Variants in PCSK5 observed in about 807,000 individuals in gnomAD.
PCSK5 encodes prohormone convertase 5.
A neutral mutation model predicts 233.2 loss-of-function variants in PCSK5; 129 were observed. The ratio of observed to expected loss-of-function variants is 0.55; its 90% CI spans 0.48 to 0.64. The LOEUF (loss-of-function observed/expected upper bound fraction) is 0.64. PCSK5 is among the 30% of genes least tolerant of loss of function. The probability of loss-of-function intolerance (pLI) is 0.00; values close to 1 mark genes in which losing one functional copy is unlikely to be tolerated. For synonymous variants in PCSK5, 825 were observed against 879.2 expected, an observed-to-expected ratio of 0.94 and a Z score of 1.09; for missense variants, 2,076 against 2,430.1, an observed-to-expected ratio of 0.85 and a Z score of 3.06.
intron 7 of PCSK5, among the ~76,000 whole-genome samples, chr9:76,091,145 G>A (rs781758756): frequency 1.4e-4 from 22 of 152,240 alleles, no homozygotes; most frequent in Non-Finnish European, 3.1e-4. Context: ...GATCAATTTC[G>A]GTTGAGGACT....
chr9:76,275,796 T>A (rs1020102715), intron 24 of PCSK5, among the ~76,000 whole-genome samples: 1 of 152,082 alleles, frequency 6.6e-6, no homozygotes, highest in Non-Finnish European at 1.5e-5. Context: ...CCTGAAAAAA[T>A]ATTTCTGTGG....
At chr9:76,254,318 T>A (rs1301087702) in intron 24 of PCSK5, among the ~76,000 whole-genome samples, 3 of 152,168 alleles carry the variant, frequency 2.0e-5, no homozygotes, top group African/African-American at 7.2e-5. Flanking sequence ...AGCTTTCACA[T>A]TGTGTGTTTG....
intron 2 of PCSK5, among the ~76,000 whole-genome samples, chr9:75,941,603 A>G (rs368769079): frequency 6.6e-5 from 10 of 152,272 alleles, no homozygotes; most frequent in African/African-American, 1.4e-4. Flanking sequence ...TTCACCAGCT[A>G]TGAATGCGAT....
intron 32 of PCSK5, among the ~76,000 whole-genome samples, chr9:76,327,280 T>C (rs745524175): frequency 1.4e-4 from 21 of 151,928 alleles, no homozygotes; most frequent in Non-Finnish European, 2.4e-4. Flanking sequence ...CTAATTTTTG[T>C]GTTTTTTCTA....
intron 33 of PCSK5, among the ~76,000 whole-genome samples, chr9:76,329,658 T>C (rs1222376175): frequency 6.6e-6 from 1 of 151,668 alleles, no homozygotes; most frequent in Non-Finnish European, 1.5e-5. Flanking sequence ...CATGATGAAA[T>C]CCCATCTCTA....
chr9:76,030,873 C>T (rs375949794), intron 5 of PCSK5, among the ~76,000 whole-genome samples: 1 of 151,976 alleles, frequency 6.6e-6, no homozygotes, highest in African/African-American at 2.4e-5. Context: ...TCTAGGGTGT[C>T]CTGCTTTGAC....
chr9:76,223,979 C>A (rs1423308460), intron 20 of PCSK5, among the ~76,000 whole-genome samples: 2 of 152,168 alleles, frequency 1.3e-5, no homozygotes, highest in Non-Finnish European at 2.9e-5. Context: ...AATTAAACAT[C>A]TACGTAAATA....
chr9:76,322,405 T>C (rs1440583021), intron 31 of PCSK5, among the ~76,000 whole-genome samples: 3 of 152,174 alleles, frequency 2.0e-5, no homozygotes, highest in African/African-American at 7.2e-5. Flanking sequence ...AATTTTGTTG[T>C]TTTTTTCCCT....
chr9:76,344,714 C>T (rs951135524), intron 35 of PCSK5, among the ~76,000 whole-genome samples: 30 of 152,180 alleles, frequency 2.0e-4, no homozygotes, highest in African/African-American at 6.7e-4. Flanking sequence ...ACCTTTATTC[C>T]AACTAGGGTT....
chr9:76,323,248 A>G lies in PCSK5; in HGVS notation c.4299A>G (p.Pro1433=). 2 of 1,612,332 alleles carry G rather than the reference A, an allele frequency of 1.2e-6. No individual in the cohort carries two copies. The highest frequency in any genetic ancestry group is 2.2e-5 in the South Asian group (2 of 91,064). ...ATGGACTGTGCTTGGAGGAGTGTCC[A>G]GCAGGAACCTATTATGAAAAGGAGA... ...LYDGLCLEEC[P]AGTYYEKETK... is the part of the protein sequence containing the mutation. Residue 1433 remains proline, a synonymous_variant, in exon 32 of 38, where the codon CCA becomes CCG. Coordinates refer to ENST00000674117, the MANE Select transcript of PCSK5 (RefSeq NM_001372043.1).
At chr9:75,954,238 T>C (rs547904093) in intron 2 of PCSK5, among the ~76,000 whole-genome samples, 1 of 152,276 alleles carries the variant, frequency 6.6e-6, no homozygotes, top group Non-Finnish European at 1.5e-5. Context: ...TCAGGATATG[T>C]TTTTCTTTAT....
chr9:76,095,336 T>C (rs951656827), intron 7 of PCSK5, among the ~76,000 whole-genome samples: 1 of 152,186 alleles, frequency 6.6e-6, no homozygotes, highest in Non-Finnish European at 1.5e-5. Context: ...TCCTCAGATA[T>C]AAATGAGGGT....
intron 10 of PCSK5, among the ~76,000 whole-genome samples, chr9:76,135,649 G>A (rs566640110): frequency 6.6e-6 from 1 of 152,134 alleles, no homozygotes; most frequent in South Asian, 2.1e-4. Flanking sequence ...GATGTAATTT[G>A]CCATATGTAT....
chr9:75,966,485 A>G (rs878961471), intron 2 of PCSK5, among the ~76,000 whole-genome samples: 2 of 152,210 alleles, frequency 1.3e-5, no homozygotes, highest in African/African-American at 4.8e-5. Context: ...AAGGAGAGCA[A>G]CTTGCCATCC....
At chr9:75,891,818 T>C (rs772673871) in intron 1 of PCSK5, among the ~76,000 whole-genome samples, 2 of 152,010 alleles carry the variant, frequency 1.3e-5, no homozygotes, top group Admixed American at 6.5e-5. Flanking sequence ...AGGGAAAGCC[T>C]TTCCTGCTCG....
intron 9 of PCSK5, among the ~76,000 whole-genome samples, chr9:76,129,994 C>A (rs1822693190): frequency 6.6e-6 from 1 of 152,096 alleles, no homozygotes; most frequent in African/African-American, 2.4e-5. Context: ...CGTAGCCTGG[C>A]TGCGAACCAC....
chr9:76,280,227 C>T (rs1827824297), intron 24 of PCSK5, among the ~76,000 whole-genome samples: 1 of 152,152 alleles, frequency 6.6e-6, no homozygotes, highest in Non-Finnish European at 1.5e-5. Flanking sequence ...TGAGATGGAA[C>T]TTAGTTGACA....
chr9:75,915,203 C>T (rs1347927339), intron 1 of PCSK5, among the ~76,000 whole-genome samples: 3 of 152,154 alleles, frequency 2.0e-5, no homozygotes, highest in Non-Finnish European at 4.4e-5. Context: ...CTGCAGTGCT[C>T]AGGGCTGGCA....
At chr9:76,070,187 A>T (rs913697939) in intron 6 of PCSK5, among the ~76,000 whole-genome samples, 7 of 152,008 alleles carry the variant, frequency 4.6e-5, no homozygotes, top group Admixed American at 1.3e-4. Context: ...TTTTTAGTAG[A>T]GACGGGGTTT....
Sources: allele counts gnomAD v4.1 joint callset (sites outside exome capture counted in the v4.1 genomes callset), GRCh38; gene constraint gnomAD v4.1.1; transcripts MANE v1.5; gene names NCBI Gene and HGNC (gene_info 2026-07-23, HGNC 2026-07-21).